Variants in SNED1 observed in about 807,000 individuals in gnomAD.
SNED1 encodes sushi, nidogen and EGF like domains 1.
In SNED1, 81 loss-of-function variants were observed where a neutral mutation model predicts 166.7. The observed-to-expected ratio is 0.49, with a 90% CI of 0.41 to 0.58. The LOEUF is 0.58. SNED1 is among the 20% of genes least tolerant of loss of function. SNED1 has a pLI of 0.00. For missense variants in SNED1, 1,604 were observed against 2,000.2 expected (o/e 0.80, Z 3.78); for synonymous variants, 762 against 822.0 (o/e 0.93, Z 1.25).
chr2:241,085,691 C>A (rs749517228), intron 29 of SNED1, among the ~76,000 whole-genome samples: 1 of 150,970 alleles, frequency 6.6e-6, no homozygotes, highest in African/African-American at 2.5e-5. Flanking sequence ...ATGTTACTGA[C>A]GCTGGATTTG....
intron 16 of SNED1, among the ~76,000 whole-genome samples, chr2:241,056,473 A>G (rs1354842845): frequency 2.0e-5 from 3 of 152,158 alleles, no homozygotes; most frequent in Non-Finnish European, 4.4e-5. Flanking sequence ...GATACAACAG[A>G]AGAAAAAAAA....
In SNED1 at chr2:241,037,294, G is replaced by C. The variant is rs775509905; in HGVS notation, c.986G>C (p.Gly329Ala). 1.3e-5 allele frequency: 21 copies of C among 1,611,252 alleles called. No homozygotes were observed. Among genetic ancestry groups the C allele is most frequent in the Non-Finnish European group, 1.8e-5 (21 of 1,179,120 alleles). Residue 329 changes from glycine to alanine, a missense_variant, in exon 6 of 32, where the codon GGC becomes GCC. Transcript: ENST00000310397. ...PCQNGGTCTHGINSFRCQCPA... is the reference protein window; with the variant it reads ...PCQNGGTCTHAINSFRCQCPA... ...CAGAATGGTGGGACCTGTACTCACGGCATCAACAGTTTCCGCTGCCAGTGC... is the reference window on the plus strand; with the variant it reads ...CAGAATGGTGGGACCTGTACTCACGCCATCAACAGTTTCCGCTGCCAGTGC...
rs2062587206 is a variant in SNED1, at chr2:241,069,008, ACGCACGTGTGGAC to A, written c.3294_3306del (p.His1099GlyfsTer8). 6.4e-7 allele frequency: 1 copy of A among 1,551,644 alleles called. No homozygotes were observed. Among genetic ancestry groups the A allele is most frequent in the South Asian group, 1.2e-5 (1 of 84,096 alleles). ...CACAGAGAGCCTGGCCACCGCGCCG[ACGCACGTGTGGAC>A]CCGTGAGTAGAGCAGCGCGGCCCCC... On this transcript the variant is annotated frameshift_variant and splice_region_variant, in exon 23 of 32. Coordinates refer to ENST00000310397, the MANE Select transcript of SNED1 (RefSeq NM_001080437.3). LOFTEE classifies it high-confidence loss of function. This position sits in a 1 kb window ranked among gnomAD's most constrained non-coding sequence, Gnocchi z 4.9.
rs1291961126 is a variant in SNED1 at position 241,092,072 on chromosome 2, GAACTGTGA to G, written c.*437_*444del. ...CTTCGAGGCCCAACAAATTGAGAAG[GAACTGTGA>G]TGGACCACTTCCAAAACAGAGACGG... On this transcript the variant is annotated 3_prime_UTR_variant, in exon 32 of 32. Coordinates refer to ENST00000310397, the MANE Select transcript of SNED1 (RefSeq NM_001080437.3). This position sits in a 1 kb window ranked among gnomAD's most constrained non-coding sequence, Gnocchi z 4.6. 2.6e-5 allele frequency: 4 copies of G among 152,418 alleles called. No homozygotes were observed. The East Asian group carries it at 7.7e-4, about 29-fold the overall frequency. The allele number at this position is 152,418 out of a possible 1,614,324, so 9.4% of individuals were successfully genotyped here. A position where few individuals can be genotyped will look rare whatever the true frequency, so the allele number is the denominator to read the frequency against.
intron 30 of SNED1, chr2:241,088,147 T>C (rs2063679558): frequency 1.8e-6 from 1 of 553,680 alleles, no homozygotes; most frequent in African/African-American, 1.9e-5. Flanking sequence ...GCCAGGTTTC[T>C]AGCCTTGTCA....
intron 1 of SNED1, among the ~76,000 whole-genome samples, chr2:241,005,159 T>G (rs115511512): frequency 6.6e-6 from 1 of 151,916 alleles, no homozygotes; most frequent in East Asian, 1.9e-4. Context: ...TTTTAAAAAA[T>G]TTTTATTTTT....
At chr2:241,039,343 C>T (rs2061459619) in intron 6 of SNED1, among the ~76,000 whole-genome samples, 1 of 152,166 alleles carries the variant, frequency 6.6e-6, no homozygotes, top group Non-Finnish European at 1.5e-5. Context: ...CCCACCATTC[C>T]CCCATGACTC....
intron 1 of SNED1, among the ~76,000 whole-genome samples, chr2:241,021,675 G>T (rs1376545044): frequency 6.6e-6 from 1 of 152,180 alleles, no homozygotes; most frequent in Non-Finnish European, 1.5e-5. Context: ...TTCATGAGTT[G>T]ATAGACACTG....
chr2:241,073,036 G>A lies in SNED1; in HGVS notation c.3818-230G>A. Reference sequence around the variant, plus strand: ...CTGTCCCTGAAGCAGCTCTGAGGGGGCCCTGCAAGGGGAAGGCCGAGCCCC... The same window carrying A: ...CTGTCCCTGAAGCAGCTCTGAGGGGACCCTGCAAGGGGAAGGCCGAGCCCC... On this transcript the variant is annotated intron_variant, in intron 26 of 31. Coordinates refer to ENST00000310397, the MANE Select transcript of SNED1 (RefSeq NM_001080437.3). The surrounding 1 kb of genome is among the most constrained non-coding windows in gnomAD (Gnocchi z 6.6). The A allele has an allele frequency of 1.9e-6, 1 of 534,212 alleles. No individual in the cohort carries two copies. Among genetic ancestry groups the A allele is most frequent in the Non-Finnish European group, 3.3e-6 (1 of 300,338 alleles). 33.1% of individuals were successfully genotyped at this position (534,212 alleles called of 1,614,324 possible).
In SNED1 at chr2:241,034,720, C is replaced by G; in HGVS notation, c.795C>G (p.Cys265Trp). 1 of 1,566,526 alleles carries G rather than the reference C, an allele frequency of 6.4e-7. No individual in the cohort carries two copies. Residue 265 changes from cysteine (C) to tryptophan (W), a missense_variant, in exon 4 of 32, where the codon TGC becomes TGG. Around this residue, in one of 2 missense-constraint regions of SNED1, gnomAD observed 1,237 missense variants for 1,620.8 expected, o/e 0.76. Transcript: ENST00000310397. ...ATGCCCAGGTGCGCGTGGGGGGCTG[C>G]GGCCATACAAGTAAGAGGACAGAGG... Reference protein sequence around the residue: ...IDDAQVRVGGCGHTTSVCLAL... With the variant: ...IDDAQVRVGGWGHTTSVCLAL...
chr2:241,074,687 T>C (rs940727450), intron 27 of SNED1: 1 of 152,186 alleles, frequency 6.6e-6, no homozygotes, highest in Admixed American at 6.5e-5. Context: ...ACATGAAAAG[T>C]AGACTCTTTA....
intron 27 of SNED1, among the ~76,000 whole-genome samples, chr2:241,078,184 A>T (rs942861559): frequency 2.0e-5 from 3 of 151,804 alleles, no homozygotes; most frequent in African/African-American, 7.3e-5. Flanking sequence ...GGCGTTCGAG[A>T]CAAGTCTGGC....
At chr2:241,034,042 A>C (rs750551087) in intron 3 of SNED1, among the ~76,000 whole-genome samples, 167 bp downstream of exon 3, 3 of 152,132 alleles carry the variant, frequency 2.0e-5, no homozygotes, top group East Asian at 1.9e-4. Flanking sequence ...CTCACTGCCC[A>C]AAAACAGAAA....
chr2:241,049,987 G>A (rs778743699), intron 12 of SNED1, 54 bp downstream of exon 12: 2 of 1,318,460 alleles, frequency 1.5e-6, no homozygotes, highest in East Asian at 2.3e-5. Context: ...GAGCGCCCGC[G>A]GTCCGCCGTC....
intron 16 of SNED1, among the ~76,000 whole-genome samples, chr2:241,061,785 G>A (rs568510263): frequency 1.1e-4 from 16 of 151,542 alleles, no homozygotes; most frequent in African/African-American, 2.4e-4. Context: ...CTCGGGAGGC[G>A]GAGGTTGTGG....
Position 241,071,585 on chromosome 2 carries a change from A to G in SNED1, c.3599A>G (p.Asp1200Gly). ...AHLYIITSPR[D>G]GADRRWHQGG... is the part of the protein sequence containing the mutation. ...CCTGCCTGCTCTGCAGCCCCCAGGG[A>G]TGGCGCTGACAGACGCTGGCACCAG... Residue 1200 changes from aspartate to glycine, a missense_variant, in exon 25 of 32, where the codon GAT (aspartate) becomes GGT (glycine). Transcript: ENST00000310397. 1 of 1,586,968 alleles carries G rather than the reference A, an allele frequency of 6.3e-7. No homozygotes were observed. The highest frequency in any genetic ancestry group is 1.3e-5 in the African/African-American group (1 of 74,714).
At chr2:241,037,008 GTC>G in intron 5 of SNED1, 93 bp downstream of exon 5, 1 of 1,462,890 alleles carries the variant, frequency 6.8e-7, no homozygotes, top group Non-Finnish European at 9.2e-7. Flanking sequence ...GGCGCCCAGG[GTC>G]CCAGGTCAGG....
chr2:241,033,640 G>C, intron 2 of SNED1, 95 bp from the exon 3 acceptor site: 1 of 1,383,766 alleles, frequency 7.2e-7, no homozygotes, highest in Non-Finnish European at 9.7e-7. Flanking sequence ...CAGGGGCCCA[G>C]TGGACAATGA....
rs1258102119 is a variant in SNED1 at position 240,999,419 on chromosome 2, G to A, written c.213+369G>A. Among the ~76,000 whole-genome samples the A allele has an allele frequency of 6.6e-6, 1 of 152,156 alleles. No homozygotes were observed. Among genetic ancestry groups the A allele is most frequent in the African/African-American group, 2.4e-5 (1 of 41,438 alleles). ...ATGTGGCCGTGGGCACGGGCTTCCC[G>A]GGCCTCAGTTTCCCAAGTGGGGCGC... On this transcript the variant is annotated intron_variant, in intron 1 of 31. Coordinates refer to ENST00000310397, the MANE Select transcript of SNED1 (RefSeq NM_001080437.3). This position sits in a 1 kb window ranked among gnomAD's most constrained non-coding sequence, Gnocchi z 5.8.
Sources: gnomAD v4.1 joint callset for allele counts (sites outside exome capture counted in the v4.1 genomes callset) on GRCh38, gnomAD v4.1.1 for gene constraint, gnomAD v4.1.1 regional missense constraint, Gnocchi (gnomAD v3.1) non-coding constraint, MANE v1.5 for transcripts, NCBI Gene and HGNC (gene_info 2026-07-23, HGNC 2026-07-21) for gene names.